Variants in DMD observed in about 807,000 individuals in gnomAD.
DMD encodes mutant dystrophin.
A neutral mutation model predicts 330.1 loss-of-function variants in DMD; 63 were observed. The ratio of observed to expected loss-of-function variants is 0.19; its 90% confidence interval spans 0.16 to 0.24. The LOEUF is 0.24. DMD is among the 10% of genes least tolerant of loss of function. The pLI is 1.00. For synonymous variants in DMD, 1,223 were observed against 959.8 expected, an observed-to-expected ratio of 1.27 and a Z score of -5.07; for missense variants, 3,344 against 2,684.1, an observed-to-expected ratio of 1.25 and a Z score of -5.43.
intron 11 of DMD, among the ~76,000 whole-genome samples, chrX:32,624,906 G>C (rs2058246447): frequency 8.9e-6 from 1 of 111,891 alleles, no homozygotes; most frequent in Non-Finnish European, 1.9e-5. Context: ...GGGTGCGATG[G>C]CTCACGCCTG....
At chrX:31,658,462 T>C (rs1008109907) in intron 53 of DMD, among the ~76,000 whole-genome samples, 1 of 112,216 alleles carries the variant, frequency 8.9e-6, no homozygotes, top group African/African-American at 3.2e-5. Context: ...TAAGCTCATA[T>C]ATAATTGTTG....
intron 60 of DMD, among the ~76,000 whole-genome samples, chrX:31,436,439 C>A (rs1423635985): frequency 9.2e-6 from 1 of 109,121 alleles, no homozygotes; most frequent in Admixed American, 9.9e-5. Context: ...TTCATTTATC[C>A]CCCTGTAGTT....
intron 16 of DMD, among the ~76,000 whole-genome samples, chrX:32,554,878 G>GAAGAAAGAAAGAAAGAAAGA (rs769646135): frequency 3.1e-5 from 1 of 32,702 alleles, no homozygotes; most frequent in Non-Finnish European, 6.1e-5. Flanking sequence ...GAGAAGGAAA[G>GAAGAAAGAAAGAAAGAAAGA]AAGAAAGAAA....
chrX:31,711,912 G>T (rs977957634), intron 52 of DMD, among the ~76,000 whole-genome samples: 30 of 110,720 alleles, frequency 2.7e-4, no homozygotes, highest in African/African-American at 9.5e-4. Flanking sequence ...CTATTATGAG[G>T]ATTTTAAAGT....
At chrX:31,204,179 C>T in intron 66 of DMD, 61 bp from the exon 67 acceptor site, 2 of 1,026,726 alleles carry the variant, frequency 1.9e-6, no homozygotes, top group East Asian at 3.1e-5. Context: ...GCCAGCAGAA[C>T]CTGACATCCA....
At chrX:31,626,733 T>G (rs1199289233) in intron 55 of DMD, among the ~76,000 whole-genome samples, 1 of 112,107 alleles carries the variant, frequency 8.9e-6, no homozygotes, top group East Asian at 2.8e-4. Flanking sequence ...CTTATTATGA[T>G]TTGATTCTGG....
At chrX:31,986,155 C>A (rs981326165) in intron 44 of DMD, among the ~76,000 whole-genome samples, 1 of 111,159 alleles carries the variant, frequency 9.0e-6, no homozygotes, top group Non-Finnish European at 1.9e-5. Flanking sequence ...AGTCCCAATG[C>A]CCAATAATGG....
intron 7 of DMD, among the ~76,000 whole-genome samples, chrX:32,743,250 C>T (rs1205966648): frequency 9.0e-6 from 1 of 111,223 alleles, no homozygotes; most frequent in South Asian, 3.8e-4. Flanking sequence ...GTGTGTGTTC[C>T]ACATAATTTT....
At chrX:32,252,879 AATAT>A (rs1326756695) in intron 43 of DMD, among the ~76,000 whole-genome samples, 6 of 70,175 alleles carry the variant, frequency 8.6e-5, no homozygotes, top group Non-Finnish European at 1.4e-4. Flanking sequence ...AATATATAAA[AATAT>A]ATATAAATAT....
chrX:33,289,352 A>G (rs1321174043), intron 1 of DMD, among the ~76,000 whole-genome samples: 2 of 111,492 alleles, frequency 1.8e-5, no homozygotes, highest in African/African-American at 3.3e-5. Flanking sequence ...TTTTCAATCC[A>G]AGGAAAATTT....
chrX:33,115,253 T>C lies in DMD; in HGVS notation c.32-95053A>G, dbSNP rs180764360. Among the ~76,000 whole-genome samples the C allele has an allele frequency of 6.9e-3, 779 of 112,129 alleles. 7 individuals are homozygous for C. Among genetic ancestry groups the C allele is most frequent in the Non-Finnish European group, 0.011 (607 of 53,264 alleles). ...GCTGGTCCTTTACTTTCTTCAGGGA[T>C]ATACACTCCACATATATTTCATTTC... On this transcript the variant is annotated intron_variant, in intron 1 of 78. Transcript: ENST00000357033.
chrX:32,074,827 G>A (rs62590022), intron 44 of DMD, among the ~76,000 whole-genome samples: 9,087 of 107,852 alleles, frequency 0.084, 441 homozygotes, highest in African/African-American at 0.16. Flanking sequence ...TAAGAGCTCA[G>A]TTACGGAAGT....
intron 44 of DMD, among the ~76,000 whole-genome samples, chrX:32,110,716 T>C (rs1274691440): frequency 2.7e-5 from 3 of 111,873 alleles, no homozygotes; most frequent in African/African-American, 9.7e-5. Context: ...AAAATTCCGA[T>C]GTAGTCACAA....
At chrX:31,449,762 TGA>T (rs1491559355) in intron 59 of DMD, among the ~76,000 whole-genome samples, 1 of 49,874 alleles carries the variant, frequency 2.0e-5, no homozygotes, top group Non-Finnish European at 3.8e-5. Flanking sequence ...ATAAATGGTG[TGA>T]TATATATATA....
In DMD at chrX:31,507,405, C is replaced by A; in HGVS notation, c.8266G>T (p.Asp2756Tyr). 1 of 1,210,688 alleles carries A rather than the reference C, an allele frequency of 8.3e-7. No homozygotes were observed. Among genetic ancestry groups the A allele is most frequent in the Non-Finnish European group, 1.1e-6 (1 of 894,752 alleles). Residue 2756 changes from aspartate to tyrosine, a missense_variant, in exon 56 of 79, where the codon GAT becomes TAT. Asp to Tyr is a radical substitution (Grantham distance 160). Transcript: ENST00000357033. ...CTCAGGATTTTTTGGCTGTTTTCAT[C>A]CAGGTTGTGATAAACATCTGTGTGA... ...EAHTDVYHNLDENSQKILRSL... is the reference protein window; with the variant it reads ...EAHTDVYHNLYENSQKILRSL...
At position 32,472,211 on chromosome X, in the gene DMD, T is replaced by C; in HGVS notation, c.2902A>G (p.Ser968Gly). 1 of 1,210,869 alleles carries C rather than the reference T, an allele frequency of 8.3e-7. No individual in the cohort carries two copies. Among genetic ancestry groups the C allele is most frequent in the Non-Finnish European group, 1.1e-6 (1 of 894,843 alleles). The part of the protein sequence containing the change: ...SETKLSIPQL[S>G]VTDYEIMEQR... ...TCCATGATTTCATAGTCGGTGACAC[T>C]AAGTTGAGGTATGGAGAGTTTGGTT... is the stretch of plus-strand genomic sequence containing the variant. Residue 968 changes from serine (S) to glycine (G), a missense_variant, in exon 22 of 79, where the codon AGT becomes GGT. By Grantham distance (56) the Ser-to-Gly change is moderately conservative. Transcript: ENST00000357033.
intron 2 of DMD, among the ~76,000 whole-genome samples, chrX:32,883,969 A>C (rs2084274613): frequency 9.1e-6 from 1 of 110,140 alleles, no homozygotes; most frequent in Non-Finnish European, 1.9e-5. Context: ...TAAACTCAAC[A>C]TATCTAATAA....
chrX:32,739,916 G>C (rs113302709), intron 7 of DMD, among the ~76,000 whole-genome samples: 2 of 110,174 alleles, frequency 1.8e-5, no homozygotes, highest in Non-Finnish European at 3.8e-5. Context: ...TTATTCTGAT[G>C]CATGTTCAAG....
At chrX:32,372,006 ACTT>A (rs1231677422) in intron 34 of DMD, among the ~76,000 whole-genome samples, 1 of 111,668 alleles carries the variant, frequency 9.0e-6, no homozygotes, top group Non-Finnish European at 1.9e-5. Flanking sequence ...AGAAAATAAG[ACTT>A]CTTATGATAA....
Sources: gnomAD v4.1 joint callset for allele counts (sites outside exome capture counted in the v4.1 genomes callset) on GRCh38, gnomAD v4.1.1 for gene constraint, MANE v1.5 for transcripts, NCBI Gene and HGNC (gene_info 2026-07-23, HGNC 2026-07-21) for gene names.